Variants in CDH12 observed in about 807,000 individuals in gnomAD.
CDH12 encodes the protein cadherin 12.
A neutral mutation model predicts 74.1 loss-of-function variants in CDH12; 41 were observed. The ratio of observed to expected loss-of-function variants is 0.55; its 90% confidence interval spans 0.43 to 0.72. CDH12 has a LOEUF of 0.72. Ranked by LOEUF, CDH12 falls within the 30% of genes least tolerant of loss-of-function variation. The pLI, the probability that CDH12 is intolerant of heterozygous loss-of-function variation, is 0.00. For missense variants in CDH12, 945 were observed against 977.2 expected (o/e 0.97, Z 0.44); for synonymous variants, 399 against 355.0 (o/e 1.12, Z -1.39).
chr5:22,744,810 T>A lies in CDH12; in HGVS notation c.-523+108248A>T, dbSNP rs372303277. Among the ~76,000 whole-genome samples, 11 of 152,192 alleles carry A rather than the reference T, an allele frequency of 7.2e-5. No individual in the cohort carries two copies. In the East Asian group the frequency reaches 1.5e-3, roughly 21 times the overall value. ...TTTACCAAGAATTGAACTGTTCTCT[T>A]TATCATGATAGAGTGCCCTTACCAG... is the stretch of plus-strand genomic sequence containing the variant. On this transcript the variant is annotated intron_variant, in intron 1 of 14. Transcript: ENST00000382254.
At chr5:22,343,363 G>A (rs1034326263) in intron 3 of CDH12, among the ~76,000 whole-genome samples, 11 of 135,572 alleles carry the variant, frequency 8.1e-5, no homozygotes, top group African/African-American at 3.0e-4. Flanking sequence ...GAGAGAGAGA[G>A]AACACAGACT....
intron 2 of CDH12, among the ~76,000 whole-genome samples, chr5:22,417,297 A>G (rs545990432): frequency 6.6e-6 from 1 of 152,290 alleles, no homozygotes; most frequent in South Asian, 2.1e-4. Flanking sequence ...CAGGGTTGAG[A>G]GTTAGGACCT....
intron 5 of CDH12, among the ~76,000 whole-genome samples, chr5:22,062,432 T>C (rs1343019998): frequency 6.6e-6 from 1 of 152,138 alleles, no homozygotes; most frequent in Non-Finnish European, 1.5e-5. Context: ...GATAGCCTCA[T>C]GTACTGAGAG....
intron 3 of CDH12, among the ~76,000 whole-genome samples, chr5:22,311,751 G>A (rs1162657574): frequency 1.3e-5 from 2 of 150,474 alleles, no homozygotes; most frequent in Non-Finnish European, 3.0e-5. Context: ...GTACATGGTT[G>A]TGGTGTGGTG....
At chr5:22,696,916 G>T (rs1229716121) in intron 1 of CDH12, among the ~76,000 whole-genome samples, 1 of 151,658 alleles carries the variant, frequency 6.6e-6, no homozygotes, top group East Asian at 1.9e-4. Flanking sequence ...CAGAACCTTG[G>T]TCTCTAGCAC....
chr5:22,537,647 C>G (rs2126714256), intron 1 of CDH12, among the ~76,000 whole-genome samples: 1 of 152,250 alleles, frequency 6.6e-6, no homozygotes, highest in African/African-American at 2.4e-5. Context: ...ACATTCCAAC[C>G]CCACCATAAA....
At chr5:21,796,588 A>T (rs1349578291) in intron 10 of CDH12, among the ~76,000 whole-genome samples, 1 of 152,110 alleles carries the variant, frequency 6.6e-6, no homozygotes, top group African/African-American at 2.4e-5. Flanking sequence ...TTTTCTTTAC[A>T]TCATCATTCT....
At position 22,269,440 on chromosome 5, in the gene CDH12, G is replaced by A. The variant is rs574552539; in HGVS notation, c.-332-56797C>T. On this transcript the variant is annotated intron_variant, in intron 3 of 14. Coordinates refer to ENST00000382254, the MANE Select transcript of CDH12 (RefSeq NM_004061.5). ...ATGTGTTGTATAATCTACTTAACCT[G>A]GTTGTTTGCACCCTGAATAGCATTT... 6.5e-4 allele frequency among the ~76,000 whole-genome samples: 99 copies of A among 152,038 alleles called. 1 individual carries two copies. The South Asian group carries it at 0.02, about 31-fold the overall frequency.
At chr5:22,488,328 G>T (rs1229964272) in intron 2 of CDH12, among the ~76,000 whole-genome samples, 2 of 152,014 alleles carry the variant, frequency 1.3e-5, no homozygotes, top group Non-Finnish European at 2.9e-5. Context: ...TTTTTTCCGT[G>T]GGTGTCAATT....
chr5:22,335,819 G>T (rs538242896), intron 3 of CDH12, among the ~76,000 whole-genome samples: 48 of 152,232 alleles, frequency 3.2e-4, no homozygotes, highest in African/African-American at 1.2e-3. Flanking sequence ...ACAGTAAATT[G>T]TTAACAGTAG....
intron 3 of CDH12, among the ~76,000 whole-genome samples, chr5:22,388,003 T>C (rs1383685364): frequency 6.6e-6 from 1 of 152,104 alleles, no homozygotes; most frequent in Non-Finnish European, 1.5e-5. Flanking sequence ...AATAGGGCTG[T>C]TGTAGAAATA....
chr5:22,599,310 G>A (rs907005019), intron 1 of CDH12, among the ~76,000 whole-genome samples: 2 of 151,914 alleles, frequency 1.3e-5, no homozygotes, highest in African/African-American at 2.4e-5. Flanking sequence ...TCGGGAATAG[G>A]CAACACTGGT....
At chr5:22,778,147 G>GA in intron 1 of CDH12, among the ~76,000 whole-genome samples, 1 of 152,004 alleles carries the variant, frequency 6.6e-6, no homozygotes. Context: ...CATATATTTA[G>GA]AAAAAAATTC....
chr5:22,457,213 G>A (rs954358382), intron 2 of CDH12, among the ~76,000 whole-genome samples: 1 of 152,230 alleles, frequency 6.6e-6, no homozygotes, highest in East Asian at 1.9e-4. Context: ...TCTTAGGGCT[G>A]CTGTGACAAA....
intron 1 of CDH12, among the ~76,000 whole-genome samples, chr5:22,640,751 C>G (rs573891928): frequency 6.6e-6 from 1 of 152,258 alleles, no homozygotes; most frequent in East Asian, 1.9e-4. Context: ...GCACAACATG[C>G]AAAACCCATC....
chr5:21,970,140 G>A (rs1048447882), intron 6 of CDH12, among the ~76,000 whole-genome samples: 13 of 151,996 alleles, frequency 8.6e-5, no homozygotes, highest in Non-Finnish European at 1.9e-4. Flanking sequence ...GAATAGGGCT[G>A]AAGGATTAGA....
chr5:22,509,290 C>T (rs1736509700), intron 1 of CDH12, among the ~76,000 whole-genome samples: 5 of 152,156 alleles, frequency 3.3e-5, no homozygotes. Flanking sequence ...CTGAACAAAA[C>T]CACAGAACCA....
chr5:22,788,758 T>C (rs1000281061), intron 1 of CDH12, among the ~76,000 whole-genome samples: 1 of 150,424 alleles, frequency 6.6e-6, no homozygotes, highest in East Asian at 1.9e-4. Flanking sequence ...TATGTTATAA[T>C]GTATATATTT....
At chr5:22,316,002 C>G (rs1031159110) in intron 3 of CDH12, among the ~76,000 whole-genome samples, 1 of 150,862 alleles carries the variant, frequency 6.6e-6, no homozygotes, top group Non-Finnish European at 1.5e-5. Context: ...CGTTTCTTAG[C>G]CTCTCTTCTA....
Sources: allele counts gnomAD v4.1 joint callset (sites outside exome capture counted in the v4.1 genomes callset), GRCh38; gene constraint gnomAD v4.1.1; transcripts MANE v1.5; gene names NCBI Gene and HGNC (gene_info 2026-07-23, HGNC 2026-07-21).